NFE2L3: variants seen among roughly 807,000 people sequenced by gnomAD.
NFE2L3 encodes the protein NFE2 like bZIP transcription factor 3.
A neutral mutation model predicts 23.5 loss-of-function variants in NFE2L3; 18 were observed. The ratio of observed to expected loss-of-function variants is 0.77; its 90% CI spans 0.53 to 1.13. The LOEUF (loss-of-function observed/expected upper bound fraction) is 1.13, where lower values mean the gene tolerates loss of function less well. Ranked by LOEUF, NFE2L3 falls within the 50% of genes most tolerant of loss-of-function variation. NFE2L3 has a pLI of 0.00. For missense variants in NFE2L3, 1,152 were observed against 877.2 expected, an observed-to-expected ratio of 1.31 and a Z score of -3.96; for synonymous variants, 424 against 354.5, an observed-to-expected ratio of 1.20 and a Z score of -2.20.
chr7:26,171,242 T>C (rs1784324116), intron 1 of NFE2L3, among the ~76,000 whole-genome samples: 1 of 152,208 alleles, frequency 6.6e-6, no homozygotes, highest in African/African-American at 2.4e-5. Flanking sequence ...GAAACAACTA[T>C]GCACCATTAA....
Position 26,152,376 on chromosome 7 carries a change from G to A in NFE2L3, c.-123G>A. On this transcript the variant is annotated 5_prime_UTR_variant, in exon 1 of 4. Transcript: ENST00000056233. This position sits in a 1 kb window ranked among gnomAD's most constrained non-coding sequence, Gnocchi z 4.4. The stretch of plus-strand genomic sequence containing the variant: ...CGGCCGCCACGCGCCCCGGTCCATT[G>A]TTTCGCTTATCTGGGTTCCAGGCAG... The A allele has an allele frequency of 1.5e-6, 1 of 653,440 alleles. No homozygotes were observed. The highest frequency in any genetic ancestry group is 2.1e-6 in the Non-Finnish European group (1 of 483,052). The allele number at this position is 653,440 out of a possible 1,614,324, so 40.5% of individuals were successfully genotyped here.
Position 26,159,302 on chromosome 7 carries a change from T to A in NFE2L3, c.570+6234T>A, listed in dbSNP as rs571443980. On this transcript the variant is annotated intron_variant, in intron 1 of 3. Coordinates refer to ENST00000056233, the MANE Select transcript of NFE2L3 (RefSeq NM_004289.7). Reference sequence around the variant, plus strand: ...CTTTGCCCGGAATGCCTTCCTTTCATTCCTCTCAAGTCTTTTATGGTTAAA... The same window carrying A: ...CTTTGCCCGGAATGCCTTCCTTTCAATCCTCTCAAGTCTTTTATGGTTAAA... 1.1e-4 allele frequency among the ~76,000 whole-genome samples: 17 copies of A among 152,320 alleles called. No individual in the cohort carries two copies. The South Asian group carries it at 2.9e-3, about 26-fold the overall frequency.
At chr7:26,153,562 T>C (rs1017294600) in intron 1 of NFE2L3, among the ~76,000 whole-genome samples, 1 of 152,214 alleles carries the variant, frequency 6.6e-6, no homozygotes, top group African/African-American at 2.4e-5. Context: ...GCTGCTTCCC[T>C]GGATTAAGGA....
intron 1 of NFE2L3, 81 bp from the exon 2 acceptor site, chr7:26,177,862 G>GT: frequency 8.2e-7 from 1 of 1,215,852 alleles, no homozygotes; most frequent in Non-Finnish European, 1.2e-6. Flanking sequence ...TGACTTGTGG[G>GT]TTTTCATGGT....
chr7:26,152,794 G>T lies in NFE2L3; in HGVS notation c.296G>T (p.Gly99Val). The change falls in exon 1 of 4, where the codon GGG (glycine) becomes GTG (valine). Residue 99 changes from glycine to valine, a missense_variant. Gly to Val is a moderately radical substitution (Grantham distance 109). Coordinates refer to ENST00000056233, the MANE Select transcript of NFE2L3 (RefSeq NM_004289.7). The surrounding 1 kb of genome is among the most constrained non-coding windows in gnomAD (Gnocchi z 4.4). The part of the protein sequence containing the change: ...GQLLREVRAL[G>V]VPFVPRTSVD... The stretch of plus-strand genomic sequence containing the variant: ...CTGCTCCGGGAGGTGCGCGCGCTCG[G>T]GGTCCCCTTCGTCCCTCGCACCAGC... 6.7e-7 allele frequency: 1 copy of T among 1,486,662 alleles called. No homozygotes were observed. The highest frequency in any genetic ancestry group is 1.3e-5 in the South Asian group (1 of 79,160). 92.1% of individuals were successfully genotyped at this position (1,486,662 alleles called of 1,614,324 possible).
chr7:26,183,653 C>A, intron 2 of NFE2L3, 48 bp from the exon 3 acceptor site: 2 of 1,162,924 alleles, frequency 1.7e-6, no homozygotes, highest in Non-Finnish European at 2.6e-6. Flanking sequence ...AAGCCCCAAC[C>A]AGTTCAGTCT....
At chr7:26,183,362 A>G (rs1160177591) in intron 2 of NFE2L3, among the ~76,000 whole-genome samples, 2 of 150,866 alleles carry the variant, frequency 1.3e-5, no homozygotes, top group African/African-American at 2.4e-5. Context: ...AACTTGGCCA[A>G]CATGGTGAAA....
At chr7:26,156,418 C>A (rs990355504) in intron 1 of NFE2L3, among the ~76,000 whole-genome samples, 1 of 152,266 alleles carries the variant, frequency 6.6e-6, no homozygotes, top group Non-Finnish European at 1.5e-5. Flanking sequence ...AATTTATGTA[C>A]ATATGCAAAA....
In NFE2L3 at chr7:26,153,814, C is replaced by A. The variant is rs185739801; in HGVS notation, c.570+746C>A. Among the ~76,000 whole-genome samples, 618 of 152,336 alleles carry A rather than the reference C, an allele frequency of 4.1e-3. 4 individuals carry two copies. The highest frequency in any genetic ancestry group is 0.014 in the African/African-American group (593 of 41,566). On this transcript the variant is annotated intron_variant, in intron 1 of 3. Transcript: ENST00000056233. ...TACCAAGATCTGTTGCTTGAAACATCTGGTGCTCCCCATGGAACGTTTGAG... is the reference window on the plus strand; with the variant it reads ...TACCAAGATCTGTTGCTTGAAACATATGGTGCTCCCCATGGAACGTTTGAG...
chr7:26,178,201 A>G (rs1354185136), intron 2 of NFE2L3, 79 bp downstream of exon 2: 8 of 1,258,722 alleles, frequency 6.4e-6, no homozygotes, highest in Non-Finnish European at 1.1e-6. Context: ...TGTGTCAAGA[A>G]TGAGCATGTA....
chr7:26,180,068 ACCTGGAAACATGC>A (rs1784479350), intron 2 of NFE2L3, among the ~76,000 whole-genome samples: 1 of 152,108 alleles, frequency 6.6e-6, no homozygotes, highest in Non-Finnish European at 1.5e-5. Context: ...GCCGCCTAGC[ACCTGGAAACATGC>A]CCTTAGACCC....
chr7:26,182,809 ATT>A (rs561455010), intron 2 of NFE2L3, among the ~76,000 whole-genome samples: 48 of 152,244 alleles, frequency 3.2e-4, no homozygotes, highest in African/African-American at 9.6e-4. Context: ...CTGTAAAAAT[ATT>A]TTTTGAGACG....
chr7:26,163,370 G>A (rs1430188674), intron 1 of NFE2L3, among the ~76,000 whole-genome samples: 1 of 151,948 alleles, frequency 6.6e-6, no homozygotes, highest in Non-Finnish European at 1.5e-5. Context: ...TTTTGAAACG[G>A]AGATTTGCTC....
chr7:26,184,541 A>G lies in NFE2L3; in HGVS notation c.843A>G (p.Ser281=). ...SQPENSLEGI[S]LGDIPLPGSI... ...TCTCCTTCGTTTTTCAGGGCATCTC[A>G]TTGGGAGATATTCCTCTTCCAGGCA... Residue 281 remains serine, a synonymous_variant, in exon 4 of 4, where the codon TCA becomes TCG. Coordinates refer to ENST00000056233, the MANE Select transcript of NFE2L3 (RefSeq NM_004289.7). The G allele has an allele frequency of 3.1e-6, 5 of 1,609,672 alleles. No homozygotes were observed. In the African/African-American group the frequency reaches 5.3e-5, roughly 17 times the overall value.
At chr7:26,173,801 G>C (rs994802254) in intron 1 of NFE2L3, 1 of 152,166 alleles carries the variant, frequency 6.6e-6, no homozygotes, top group Admixed American at 6.5e-5. Context: ...TTACGAAGTG[G>C]CCAACAGCAG....
At chr7:26,168,285 C>T (rs1479634353) in intron 1 of NFE2L3, among the ~76,000 whole-genome samples, 5 of 151,618 alleles carry the variant, frequency 3.3e-5, no homozygotes, top group East Asian at 1.9e-4. Flanking sequence ...TACAGGCACA[C>T]GCCACCACAC....
intron 1 of NFE2L3, among the ~76,000 whole-genome samples, chr7:26,156,443 G>A (rs1784082881): frequency 6.6e-6 from 1 of 152,054 alleles, no homozygotes; most frequent in African/African-American, 2.4e-5. Flanking sequence ...TTTGGAGTAG[G>A]GGATTTTCCA....
intron 1 of NFE2L3, among the ~76,000 whole-genome samples, chr7:26,172,292 T>A (rs891697111): frequency 6.6e-6 from 1 of 152,256 alleles, no homozygotes; most frequent in African/African-American, 2.4e-5. Flanking sequence ...AATTTCAAAC[T>A]TTTAAAAATG....
At chr7:26,155,336 GGAGGCTGAGGCAC>G (rs1784064600) in intron 1 of NFE2L3, among the ~76,000 whole-genome samples, 1 of 152,164 alleles carries the variant, frequency 6.6e-6, no homozygotes, top group African/African-American at 2.4e-5. Flanking sequence ...CAGCTACTCG[GGAGGCTGAGGCAC>G]GAGAATCACT....
Sources: allele counts gnomAD v4.1 joint callset (sites outside exome capture counted in the v4.1 genomes callset), GRCh38; gene constraint gnomAD v4.1.1; non-coding constraint Gnocchi (gnomAD v3.1); transcripts MANE v1.5; gene names NCBI Gene and HGNC (gene_info 2026-07-23, HGNC 2026-07-21).